Variants in EVA1C observed in about 807,000 individuals in gnomAD.
EVA1C encodes the protein eva-1 homolog C, also known as protein eva-1 homolog C.
EVA1C carries 25 observed loss-of-function variants against 45.4 expected under a neutral mutation model. The observed-to-expected ratio is 0.55, with a 90% confidence interval of 0.40 to 0.77. The LOEUF (loss-of-function observed/expected upper bound fraction) is 0.77. Among genes scored for constraint, EVA1C ranks in the 30% least tolerant of loss-of-function variants. The probability of loss-of-function intolerance (pLI) is 0.00; values close to 1 mark genes in which losing one functional copy is unlikely to be tolerated. For missense variants in EVA1C, 479 were observed against 554.8 expected (o/e 0.86, Z 1.37); for synonymous variants, 190 against 221.2 (o/e 0.86, Z 1.25).
chr21:32,414,192 A>G (rs948676030), intron 1 of EVA1C, among the ~76,000 whole-genome samples: 2 of 152,210 alleles, frequency 1.3e-5, no homozygotes, highest in African/African-American at 4.8e-5. Context: ...GGAAGCCAAG[A>G]TAAGGCCTAT....
intron 1 of EVA1C, among the ~76,000 whole-genome samples, chr21:32,414,252 T>C (rs1332637942): frequency 2.0e-5 from 3 of 152,112 alleles, no homozygotes; most frequent in Non-Finnish European, 2.9e-5. Context: ...GGATCAGAAC[T>C]CTGTGGTAAG....
chr21:32,509,322 T>A (rs1369037504), intron 7 of EVA1C, among the ~76,000 whole-genome samples: 4 of 152,236 alleles, frequency 2.6e-5, no homozygotes, highest in Admixed American at 2.0e-4. Context: ...GGTGGCTGCA[T>A]CTCAGCAGAG....
chr21:32,479,043 T>G (rs2036683018), intron 4 of EVA1C, among the ~76,000 whole-genome samples: 1 of 152,254 alleles, frequency 6.6e-6, no homozygotes, highest in Non-Finnish European at 1.5e-5. Context: ...GTTTCACTGT[T>G]AAGTAATAGC....
intron 1 of EVA1C, among the ~76,000 whole-genome samples, chr21:32,427,515 T>C (rs1299082793): frequency 6.6e-6 from 1 of 150,462 alleles, no homozygotes; most frequent in Non-Finnish European, 1.5e-5. Flanking sequence ...GAGGTTGAGA[T>C]CATCCTGGCC....
At chr21:32,413,947 G>A (rs956096669) in intron 1 of EVA1C, among the ~76,000 whole-genome samples, 1 of 152,264 alleles carries the variant, frequency 6.6e-6, no homozygotes, top group South Asian at 2.1e-4. Context: ...TTGCACAGTC[G>A]GTCCCTATCG....
chr21:32,459,208 TCACTCACACTGTCATACATGCTCACACA>T (rs1375413261), intron 3 of EVA1C, among the ~76,000 whole-genome samples: 1 of 151,922 alleles, frequency 6.6e-6, no homozygotes, highest in African/African-American at 2.4e-5. Flanking sequence ...GCTGTCACAC[TCACTCACACTGTCATACATGCTCACACA>T]CACTCACATG....
chr21:32,457,552 G>T, intron 2 of EVA1C, 45 bp from the exon 3 acceptor site: 1 of 1,612,994 alleles, frequency 6.2e-7, no homozygotes, highest in Non-Finnish European at 8.5e-7. Flanking sequence ...GGCAGTCACT[G>T]TGAGCAGTTT....
chr21:32,424,445 T>TTCTTTTTCATTAAAAAAAATG (rs1183007044), intron 1 of EVA1C, among the ~76,000 whole-genome samples: 8 of 152,082 alleles, frequency 5.3e-5, no homozygotes, highest in Admixed American at 2.6e-4. Flanking sequence ...TCACATAATT[T>TTCTTTTTCATTAAAAAAAATG]TACAGTCTCT....
intron 7 of EVA1C, among the ~76,000 whole-genome samples, chr21:32,507,590 A>G (rs543193131): frequency 1.3e-5 from 2 of 149,396 alleles, no homozygotes; most frequent in South Asian, 4.2e-4. Context: ...ATGTGTGTGC[A>G]TGTGTGTTTC....
At chr21:32,475,364 C>CATT (rs2036516453) in intron 4 of EVA1C, among the ~76,000 whole-genome samples, 1 of 151,288 alleles carries the variant, frequency 6.6e-6, no homozygotes, top group Admixed American at 6.6e-5. Flanking sequence ...TCATCATCAT[C>CATT]ATCATTTTTA....
chr21:32,437,969 G>A (rs1030995973), intron 1 of EVA1C, among the ~76,000 whole-genome samples: 71 of 152,126 alleles, frequency 4.7e-4, no homozygotes, highest in Non-Finnish European at 6.2e-4. Flanking sequence ...AAATAACACC[G>A]CACGGCCCCC....
intron 1 of EVA1C, among the ~76,000 whole-genome samples, chr21:32,448,932 G>GAA (rs1247652509): frequency 7.3e-6 from 1 of 136,596 alleles, no homozygotes; most frequent in African/African-American, 2.8e-5. Flanking sequence ...AAGAAAGAAA[G>GAA]AGAGAGAAAG....
At chr21:32,429,012 TTTTA>T (rs200417082) in intron 1 of EVA1C, among the ~76,000 whole-genome samples, 8 of 147,028 alleles carry the variant, frequency 5.4e-5, no homozygotes, top group Admixed American at 6.6e-5. Flanking sequence ...CTCAATTTAT[TTTTA>T]TTTATTTATT....
intron 4 of EVA1C, among the ~76,000 whole-genome samples, chr21:32,468,723 T>A (rs2146305760): frequency 2.0e-5 from 3 of 152,276 alleles, no homozygotes; most frequent in Admixed American, 2.0e-4. Context: ...TGCTTTACAT[T>A]TGCTGGCAAC....
chr21:32,433,105 T>C lies in EVA1C; in HGVS notation c.160+20092T>C. 2 of 152,346 alleles carry C rather than the reference T, an allele frequency of 1.3e-5. 1 individual carries two copies. The highest frequency in any genetic ancestry group is 4.2e-4 in the South Asian group (2 of 4,818). The allele number at this position is 152,346 out of a possible 1,614,324, so 9.4% of individuals were successfully genotyped here. A position where few individuals can be genotyped will look rare whatever the true frequency, so the allele number is the denominator to read the frequency against. On this transcript the variant is annotated intron_variant, in intron 1 of 7. Coordinates refer to ENST00000300255, the MANE Select transcript of EVA1C (RefSeq NM_058187.5). ...ATTTCTGTTAAGGTGATGCCTGGCT[T>C]GACACTTCTGGTAACTCCTGCTGTT...
At chr21:32,435,723 C>T (rs1481859184) in intron 1 of EVA1C, among the ~76,000 whole-genome samples, 2 of 152,248 alleles carry the variant, frequency 1.3e-5, no homozygotes, top group Non-Finnish European at 2.9e-5. Flanking sequence ...AAACATGGGC[C>T]CCCTTATTCA....
chr21:32,513,133 A>G (rs140886494), intron 7 of EVA1C, among the ~76,000 whole-genome samples: 103 of 149,444 alleles, frequency 6.9e-4, no homozygotes, highest in African/African-American at 2.4e-3. Flanking sequence ...CAATGATATA[A>G]TATCATTATA....
chr21:32,412,666 C>T, upstream of EVA1C: 1 of 450,950 alleles, frequency 2.2e-6, no homozygotes, highest in South Asian at 5.7e-5. Context: ...TTCTCCGCCC[C>T]CTCCCCTTTG....
At chr21:32,500,900 C>T (rs1228588469) in intron 5 of EVA1C, among the ~76,000 whole-genome samples, 1 of 152,108 alleles carries the variant, frequency 6.6e-6, no homozygotes, top group African/African-American at 2.4e-5. Flanking sequence ...CAACCTCTGC[C>T]TCCCGTGTTC....
Sources: gnomAD v4.1 joint callset for allele counts (sites outside exome capture counted in the v4.1 genomes callset) on GRCh38, gnomAD v4.1.1 for gene constraint, MANE v1.5 for transcripts, NCBI Gene and HGNC (gene_info 2026-07-23, HGNC 2026-07-21) for gene names.